Variants in KSR2 observed in about 807,000 individuals in gnomAD.
KSR2 encodes the protein kinase suppressor of ras 2.
KSR2 carries 25 observed loss-of-function variants against 107.8 expected under a neutral mutation model. The ratio of observed to expected loss-of-function variants is 0.23; its 90% CI spans 0.17 to 0.32. The LOEUF (loss-of-function observed/expected upper bound fraction) is 0.32, where lower values mean the gene tolerates loss of function less well. KSR2 is among the 10% of genes least tolerant of loss of function. The pLI is 1.00. For synonymous variants in KSR2, 480 were observed against 507.0 expected, an observed-to-expected ratio of 0.95 and a Z score of 0.71; for missense variants, 887 against 1,268.9, an observed-to-expected ratio of 0.70 and a Z score of 4.57.
At chr12:117,826,145 G>A (rs1167276796) in intron 3 of KSR2, among the ~76,000 whole-genome samples, 2 of 73,210 alleles carry the variant, frequency 2.7e-5, no homozygotes. Context: ...GATGGAGGAA[G>A]AATGAATGAA....
rs561898517 is a variant in KSR2, at chr12:117,712,452, G to T, written c.987-44794C>A. On this transcript the variant is annotated intron_variant, in intron 4 of 19. Coordinates refer to ENST00000339824, the MANE Select transcript of KSR2 (RefSeq NM_173598.6). ...AGCCGTGACAGAAACACCACTAGCC[G>T]GAGTCAGAAGGGGCAGCTCTTCCCT... Among the ~76,000 whole-genome samples the T allele has an allele frequency of 3.7e-4, 57 of 152,248 alleles. 1 individual carries two copies. Among genetic ancestry groups the T allele is most frequent in the Middle Eastern group, 6.8e-3 (2 of 294 alleles).
chr12:117,873,553 C>T (rs1168100324), intron 1 of KSR2, among the ~76,000 whole-genome samples: 1 of 150,412 alleles, frequency 6.6e-6, no homozygotes. Context: ...CTCCACCTCC[C>T]GGGTCCAAGC....
intron 4 of KSR2, among the ~76,000 whole-genome samples, chr12:117,721,599 C>A (rs1887208552): frequency 6.6e-6 from 1 of 152,146 alleles, no homozygotes; most frequent in Admixed American, 6.5e-5. Context: ...GCAGATTGAG[C>A]CCCCACTTCC....
At chr12:117,580,611 A>T (rs1403297852) in intron 6 of KSR2, among the ~76,000 whole-genome samples, 1 of 152,020 alleles carries the variant, frequency 6.6e-6, no homozygotes, top group Non-Finnish European at 1.5e-5. Context: ...AGTTCTCTCT[A>T]CCTCCTGGCA....
At chr12:117,730,633 C>T (rs573080503) in intron 4 of KSR2, among the ~76,000 whole-genome samples, 28 of 152,272 alleles carry the variant, frequency 1.8e-4, no homozygotes, top group African/African-American at 5.3e-4. Context: ...CTCAGCCTGC[C>T]GAGTGCCTGG....
chr12:117,540,638 C>G (rs373909015), intron 9 of KSR2, among the ~76,000 whole-genome samples: 1 of 152,188 alleles, frequency 6.6e-6, no homozygotes, highest in Non-Finnish European at 1.5e-5. Context: ...ATCCTGGATT[C>G]GGGTGAGTCC....
intron 3 of KSR2, among the ~76,000 whole-genome samples, chr12:117,773,473 G>T (rs7956778): frequency 0.58 from 87,514 of 152,038 alleles, 26,896 homozygotes; most frequent in African/African-American, 0.78. Flanking sequence ...CCATTAAAAT[G>T]TTATAAACAG....
At chr12:117,759,351 T>TA (rs1372986210) in intron 4 of KSR2, among the ~76,000 whole-genome samples, 1 of 152,168 alleles carries the variant, frequency 6.6e-6, no homozygotes, top group African/African-American at 2.4e-5. Flanking sequence ...TGCTACATGA[T>TA]AGAGTTGAGT....
intron 1 of KSR2, among the ~76,000 whole-genome samples, chr12:117,906,456 A>C (rs1179307064): frequency 6.6e-6 from 1 of 152,020 alleles, no homozygotes; most frequent in Non-Finnish European, 1.5e-5. Flanking sequence ...AAATACAAAA[A>C]TTAGCTGGGC....
intron 3 of KSR2, among the ~76,000 whole-genome samples, chr12:117,844,539 T>C (rs1892628327): frequency 6.6e-6 from 1 of 152,014 alleles, no homozygotes; most frequent in Non-Finnish European, 1.5e-5. Flanking sequence ...CTAAAATTAA[T>C]TGGAACCAGG....
At chr12:117,640,882 C>G (rs577925305) in intron 5 of KSR2, among the ~76,000 whole-genome samples, 1 of 152,138 alleles carries the variant, frequency 6.6e-6, no homozygotes, top group African/African-American at 2.4e-5. Context: ...ATGTCACTTC[C>G]CCCCAAAAGC....
At chr12:117,580,973 C>A (rs1369852126) in intron 6 of KSR2, among the ~76,000 whole-genome samples, 8 of 152,072 alleles carry the variant, frequency 5.3e-5, no homozygotes, top group African/African-American at 1.7e-4. Context: ...CGTGGCCAAA[C>A]CGGGGTGGAG....
chr12:117,583,222 T>C (rs1362773702), intron 5 of KSR2, among the ~76,000 whole-genome samples: 1 of 150,228 alleles, frequency 6.7e-6, no homozygotes, highest in Non-Finnish European at 1.5e-5. Context: ...GATAGATGGA[T>C]AGACGGGTGG....
intron 11 of KSR2, 90 bp downstream of exon 11, chr12:117,531,576 C>A: frequency 8.8e-7 from 1 of 1,134,074 alleles, no homozygotes; most frequent in African/African-American, 1.6e-5. Flanking sequence ...TAGGCACCCC[C>A]ACAACATCTG....
intron 3 of KSR2, among the ~76,000 whole-genome samples, chr12:117,770,256 T>C (rs1011032252): frequency 8.5e-5 from 13 of 152,174 alleles, no homozygotes; most frequent in South Asian, 2.1e-4. Context: ...CTAAGTCCAA[T>C]GGTTTGTGTC....
chr12:117,948,625 A>G (rs1896267911), intron 1 of KSR2, among the ~76,000 whole-genome samples: 1 of 152,254 alleles, frequency 6.6e-6, no homozygotes, highest in African/African-American at 2.4e-5. Context: ...AATTTCTTAC[A>G]AAGGTGTAAA....
chr12:117,558,365 C>A (rs1471646120), intron 8 of KSR2, 141 bp downstream of exon 8: 2 of 647,118 alleles, frequency 3.1e-6, no homozygotes, highest in Non-Finnish European at 2.8e-6. Flanking sequence ...GGAAACAGGG[C>A]GTCAGAGAGA....
chr12:117,559,645 G>GA (rs1212962603), intron 7 of KSR2, among the ~76,000 whole-genome samples: 1 of 152,142 alleles, frequency 6.6e-6, no homozygotes, highest in Non-Finnish European at 1.5e-5. Context: ...CAGGTATTAA[G>GA]TTTTAGAGGC....
intron 4 of KSR2, among the ~76,000 whole-genome samples, chr12:117,671,930 C>T (rs1349258857): frequency 6.6e-6 from 1 of 152,154 alleles, no homozygotes; most frequent in Non-Finnish European, 1.5e-5. Flanking sequence ...CTGGGGGCAT[C>T]CCACACAAGC....
Sources: gnomAD v4.1 joint callset for allele counts (sites outside exome capture counted in the v4.1 genomes callset) on GRCh38, gnomAD v4.1.1 for gene constraint, MANE v1.5 for transcripts, NCBI Gene and HGNC (gene_info 2026-07-23, HGNC 2026-07-21) for gene names.